The following NRXN1 variants were observed in gnomAD, a reference collection of about 807,000 sequenced individuals.
The protein encoded by NRXN1 is neurexin-1.
A neutral mutation model predicts 150.9 loss-of-function variants in NRXN1; 39 were observed. The observed-to-expected ratio is 0.26, with a 90% CI of 0.20 to 0.34. The LOEUF (loss-of-function observed/expected upper bound fraction) is 0.34. Ranked by LOEUF, NRXN1 falls within the 10% of genes least tolerant of loss-of-function variation. The probability of loss-of-function intolerance (pLI) is 1.00; values close to 1 mark genes in which losing one functional copy is unlikely to be tolerated. For missense variants in NRXN1, 1,815 were observed against 1,949.9 expected (o/e 0.93, Z 1.30); for synonymous variants, 924 against 757.0 (o/e 1.22, Z -3.62).
At chr2:51,017,877 G>A (rs1010091379) in intron 2 of NRXN1, among the ~76,000 whole-genome samples, 1 of 151,984 alleles carries the variant, frequency 6.6e-6, no homozygotes, top group African/African-American at 2.4e-5. Flanking sequence ...CTGTATAGTG[G>A]TTTCTTCCAT....
chr2:50,772,199 C>T (rs774710766), intron 5 of NRXN1, among the ~76,000 whole-genome samples: 2 of 151,706 alleles, frequency 1.3e-5, no homozygotes, highest in Non-Finnish European at 1.5e-5. Context: ...AATGCCTGGG[C>T]GCAACCCAAC....
chr2:50,760,590 C>T (rs1701692837), intron 5 of NRXN1, among the ~76,000 whole-genome samples: 1 of 151,784 alleles, frequency 6.6e-6, no homozygotes, highest in Non-Finnish European at 1.5e-5. Flanking sequence ...AAGGTACTAG[C>T]CACTCTAACC....
intron 2 of NRXN1, among the ~76,000 whole-genome samples, chr2:50,952,634 C>A (rs1471814121): frequency 6.6e-6 from 1 of 152,102 alleles, no homozygotes; most frequent in Non-Finnish European, 1.5e-5. Flanking sequence ...TAAAAATGAA[C>A]TAGAAGAGCA....
chr2:51,026,553 C>T lies in NRXN1; in HGVS notation c.772+949G>A, dbSNP rs1670505254. Reference sequence around the variant, plus strand: ...TAAGCCCCAAGAACCACAGAAATTACAACTTGGCCTCCACTACCCAGATAA... The same window carrying T: ...TAAGCCCCAAGAACCACAGAAATTATAACTTGGCCTCCACTACCCAGATAA... On this transcript the variant is annotated intron_variant, in intron 2 of 22. Coordinates refer to ENST00000401669, the MANE Select transcript of NRXN1 (RefSeq NM_001330078.2). 1.0e-5 allele frequency: 9 copies of T among 883,826 alleles called. No individual in the cohort carries two copies. The South Asian group carries it at 1.4e-4, about 13-fold the overall frequency. The allele number at this position is 883,826 out of a possible 1,614,324, so 54.7% of individuals were successfully genotyped here.
chr2:50,048,812 T>G (rs1397924345), intron 21 of NRXN1, among the ~76,000 whole-genome samples: 2 of 152,090 alleles, frequency 1.3e-5, no homozygotes, highest in Non-Finnish European at 2.9e-5. Flanking sequence ...CCTGAAAAAA[T>G]GCCTAACTGA....
At chr2:50,745,444 A>G (rs535635451) in intron 5 of NRXN1, among the ~76,000 whole-genome samples, 4 of 148,392 alleles carry the variant, frequency 2.7e-5, no homozygotes, top group African/African-American at 1.0e-4. Context: ...CCATTGAGAA[A>G]ACCAAATCTA....
intron 5 of NRXN1, among the ~76,000 whole-genome samples, chr2:50,826,510 A>T (rs1670465137): frequency 6.6e-6 from 1 of 152,144 alleles, no homozygotes; most frequent in Non-Finnish European, 1.5e-5. Flanking sequence ...TGACTAATGC[A>T]TCACCTGTGA....
intron 8 of NRXN1, among the ~76,000 whole-genome samples, chr2:50,563,844 A>C (rs1232193471): frequency 6.6e-6 from 1 of 152,168 alleles, no homozygotes; most frequent in African/African-American, 2.4e-5. Flanking sequence ...TCCAAACTGC[A>C]TGAATCCCCT....
At chr2:50,958,441 A>G (rs1238898142) in intron 2 of NRXN1, among the ~76,000 whole-genome samples, 2 of 152,238 alleles carry the variant, frequency 1.3e-5, no homozygotes, top group Middle Eastern at 3.4e-3. Flanking sequence ...ACCTAGGAAC[A>G]TGTCTTTACA....
At chr2:50,634,501 G>A (rs574512167) in intron 5 of NRXN1, among the ~76,000 whole-genome samples, 1 of 152,152 alleles carries the variant, frequency 6.6e-6, no homozygotes, top group East Asian at 1.9e-4. Flanking sequence ...TCAATCCATG[G>A]GATATATTTG....
intron 17 of NRXN1, among the ~76,000 whole-genome samples, chr2:50,249,601 A>G (rs556083271): frequency 4.3e-4 from 66 of 152,032 alleles, no homozygotes; most frequent in African/African-American, 1.3e-3. Flanking sequence ...CTTTTTCTCA[A>G]CTATCATGAC....
chr2:50,794,130 T>C (rs1706450218), intron 5 of NRXN1, among the ~76,000 whole-genome samples: 1 of 151,900 alleles, frequency 6.6e-6, no homozygotes, highest in Non-Finnish European at 1.5e-5. Context: ...AACCTTGGAG[T>C]AGAAGGAGAA....
At chr2:50,668,683 G>A (rs149931575) in intron 5 of NRXN1, among the ~76,000 whole-genome samples, 13 of 151,944 alleles carry the variant, frequency 8.6e-5, no homozygotes, top group African/African-American at 2.4e-4. Context: ...TCATTTTGGC[G>A]GGCATTCTGA....
chr2:50,479,762 T>C (rs2090302615), intron 15 of NRXN1, among the ~76,000 whole-genome samples: 2 of 117,180 alleles, frequency 1.7e-5, no homozygotes, highest in Admixed American at 2.0e-4. Flanking sequence ...AATCCATTTC[T>C]TTTTCTTTTT....
At chr2:50,899,497 G>A (rs1003091156) in intron 5 of NRXN1, among the ~76,000 whole-genome samples, 5 of 152,066 alleles carry the variant, frequency 3.3e-5, no homozygotes, top group African/African-American at 4.8e-5. Flanking sequence ...GTAGATGTGG[G>A]CCCTGCTTCC....
intron 5 of NRXN1, among the ~76,000 whole-genome samples, chr2:50,834,451 A>C (rs528106399): frequency 2.1e-4 from 32 of 152,246 alleles, no homozygotes; most frequent in African/African-American, 7.5e-4. Context: ...TTTCAGGAGG[A>C]AAACAATAAC....
chr2:50,319,110 G>A (rs2075828383), intron 17 of NRXN1, among the ~76,000 whole-genome samples: 1 of 152,064 alleles, frequency 6.6e-6, no homozygotes. Flanking sequence ...CAAAACTGGA[G>A]TTTAAATGGG....
chr2:50,806,081 T>C (rs1036301053), intron 5 of NRXN1, among the ~76,000 whole-genome samples: 1 of 152,234 alleles, frequency 6.6e-6, no homozygotes, highest in Non-Finnish European at 1.5e-5. Context: ...TATTGCATTG[T>C]ACTTTAAAAT....
chr2:50,929,913 T>C (rs962729287), intron 2 of NRXN1, among the ~76,000 whole-genome samples: 12 of 152,010 alleles, frequency 7.9e-5, no homozygotes, highest in Non-Finnish European at 1.5e-4. Flanking sequence ...GAGGAAATCA[T>C]TGAGACTGTG....
Sources: allele counts gnomAD v4.1 joint callset (sites outside exome capture counted in the v4.1 genomes callset), GRCh38; gene constraint gnomAD v4.1.1; transcripts MANE v1.5; gene names NCBI Gene and HGNC (gene_info 2026-07-23, HGNC 2026-07-21).